ZFYVE28: variants seen among roughly 807,000 people sequenced by gnomAD.
ZFYVE28 encodes the protein lateral signaling target protein 2 homolog.
In ZFYVE28, 40 loss-of-function variants were observed where a neutral mutation model predicts 82.1. The observed-to-expected ratio is 0.49, with a 90% CI of 0.38 to 0.63. The LOEUF is 0.63. ZFYVE28 is among the 30% of genes least tolerant of loss of function. The probability of loss-of-function intolerance (pLI) is 0.00; values close to 1 mark genes in which losing one functional copy is unlikely to be tolerated. For missense variants in ZFYVE28, 1,321 were observed against 1,242.1 expected (o/e 1.06, Z -0.96); for synonymous variants, 612 against 546.1 (o/e 1.12, Z -1.68).
At chr4:2,290,404 C>T (rs1375725653) in intron 8 of ZFYVE28, among the ~76,000 whole-genome samples, 1 of 152,202 alleles carries the variant, frequency 6.6e-6, no homozygotes, top group Non-Finnish European at 1.5e-5. Context: ...GTTGCAGGCC[C>T]CAAGGGCCAC....
At chr4:2,288,416 G>A (rs1020549709) in intron 8 of ZFYVE28, among the ~76,000 whole-genome samples, 1 of 152,240 alleles carries the variant, frequency 6.6e-6, no homozygotes, top group African/African-American at 2.4e-5. Flanking sequence ...GGGGAGCATC[G>A]GGCCCTGGGC....
intron 1 of ZFYVE28, among the ~76,000 whole-genome samples, chr4:2,386,885 C>T (rs1032683119): frequency 6.6e-6 from 1 of 152,272 alleles, no homozygotes; most frequent in African/African-American, 2.4e-5. Flanking sequence ...GCCAGCCAAG[C>T]TCGCTGCCCT....
At chr4:2,367,396 A>G (rs999551978) in intron 1 of ZFYVE28, among the ~76,000 whole-genome samples, 2 of 152,242 alleles carry the variant, frequency 1.3e-5, no homozygotes, top group African/African-American at 4.8e-5. Context: ...GCTGAGCCTC[A>G]GGCTCTGCCT....
At chr4:2,378,017 C>G (rs1163463610) in intron 1 of ZFYVE28, among the ~76,000 whole-genome samples, 1 of 152,202 alleles carries the variant, frequency 6.6e-6, no homozygotes, top group Admixed American at 6.5e-5. Flanking sequence ...TATTCGTGTA[C>G]CTAAACAGAA....
chr4:2,364,835 C>A (rs1578263216), intron 1 of ZFYVE28: 16 of 985,506 alleles, frequency 1.6e-5, no homozygotes, highest in Middle Eastern at 5.2e-4. Context: ...TTCCGCGATA[C>A]CGCGATAAAA....
At chr4:2,366,845 C>T (rs906603775) in intron 1 of ZFYVE28, among the ~76,000 whole-genome samples, 28 of 152,264 alleles carry the variant, frequency 1.8e-4, no homozygotes, top group African/African-American at 6.8e-4. Context: ...ATCCTCCTTA[C>T]AGGAGAAACA....
At chr4:2,294,031 T>A (rs1250315284) in intron 8 of ZFYVE28, among the ~76,000 whole-genome samples, 3 of 151,334 alleles carry the variant, frequency 2.0e-5, no homozygotes, top group Non-Finnish European at 2.9e-5. Flanking sequence ...CTTTCCAAAT[T>A]ACTACATAGA....
chr4:2,303,108 G>A (rs774432375), intron 8 of ZFYVE28, among the ~76,000 whole-genome samples: 1 of 152,202 alleles, frequency 6.6e-6, no homozygotes, highest in Non-Finnish European at 1.5e-5. Flanking sequence ...GGGACACCGG[G>A]AACCAGGCCC....
intron 1 of ZFYVE28, among the ~76,000 whole-genome samples, chr4:2,414,171 T>C (rs1310877341): frequency 6.6e-6 from 1 of 152,226 alleles, no homozygotes; most frequent in Admixed American, 6.5e-5. Context: ...CATGACCAAG[T>C]GGGCTGGAAC....
chr4:2,404,278 C>T (rs546092865), intron 1 of ZFYVE28, among the ~76,000 whole-genome samples: 103 of 69,670 alleles, frequency 1.5e-3, no homozygotes, highest in South Asian at 9.9e-3. Flanking sequence ...GCCAAGATCG[C>T]GCCACTGCAG....
chr4:2,345,837 CATTAG>C (rs1723457039), intron 2 of ZFYVE28, among the ~76,000 whole-genome samples: 1 of 151,758 alleles, frequency 6.6e-6, no homozygotes, highest in African/African-American at 2.4e-5. Flanking sequence ...ACAAAAATGG[CATTAG>C]ATTTTTCATC....
Position 2,304,756 on chromosome 4 carries a change from G to A in ZFYVE28, c.1584C>T (p.Asp528=), listed in dbSNP as rs372232663. 2 of 1,612,598 alleles carry A rather than the reference G, an allele frequency of 1.2e-6. No individual in the cohort carries two copies. The highest frequency in any genetic ancestry group is 1.7e-6 in the Non-Finnish European group (2 of 1,179,964). The change falls in exon 8 of 13, where the codon GAC becomes GAT. Residue 528 remains aspartate, a synonymous_variant. Coordinates refer to ENST00000290974, the MANE Select transcript of ZFYVE28 (RefSeq NM_020972.3). ...IFNPKSPTSL[D]SAVATQEAAS... The stretch of plus-strand genomic sequence containing the variant: ...CGGCCTCCTGGGTGGCGACCGCAGA[G>A]TCCAGGGAAGTGGGCGATTTGGGGT...
chr4:2,360,660 T>A (rs1000602879), intron 1 of ZFYVE28, among the ~76,000 whole-genome samples: 1 of 152,148 alleles, frequency 6.6e-6, no homozygotes, highest in Admixed American at 6.5e-5. Context: ...AGGAAATGAA[T>A]GAACACAGCT....
chr4:2,381,232 T>C (rs924947810), intron 1 of ZFYVE28, among the ~76,000 whole-genome samples: 3 of 152,216 alleles, frequency 2.0e-5, no homozygotes, highest in Non-Finnish European at 4.4e-5. Flanking sequence ...ATTTTGCCCC[T>C]GCCCTAGAGA....
rs1194631547 is a variant in ZFYVE28 at position 2,332,391 on chromosome 4, G to C, written c.701+3314C>G. Among the ~76,000 whole-genome samples the C allele has an allele frequency of 6.6e-6, 1 of 152,104 alleles. No individual in the cohort carries two copies. Among genetic ancestry groups the C allele is most frequent in the Non-Finnish European group, 1.5e-5 (1 of 67,978 alleles). ...GAGCATACACCACCTGCACCAACGT[G>C]CCCCTGCCTGCCACCTGCACAGCTC... On this transcript the variant is annotated intron_variant, in intron 6 of 12. Coordinates refer to ENST00000290974, the MANE Select transcript of ZFYVE28 (RefSeq NM_020972.3). The surrounding 1 kb of genome is among the most constrained non-coding windows in gnomAD (Gnocchi z 4.7).
intron 8 of ZFYVE28, among the ~76,000 whole-genome samples, chr4:2,292,434 G>T (rs1282496373): frequency 6.6e-6 from 1 of 152,188 alleles, no homozygotes; most frequent in Non-Finnish European, 1.5e-5. Context: ...GGGTCTACAA[G>T]CAGGTCCCCT....
chr4:2,360,783 C>T (rs116290533), intron 1 of ZFYVE28, among the ~76,000 whole-genome samples: 36 of 152,322 alleles, frequency 2.4e-4, no homozygotes, highest in African/African-American at 8.4e-4. Flanking sequence ...TCAACCTACT[C>T]ATCACTTAGT....
At chr4:2,353,434 C>T (rs760600555) in intron 2 of ZFYVE28, among the ~76,000 whole-genome samples, 4 of 152,242 alleles carry the variant, frequency 2.6e-5, no homozygotes, top group Non-Finnish European at 4.4e-5. Flanking sequence ...AACTTTGCAG[C>T]ATGCCGTTTG....
intron 1 of ZFYVE28, among the ~76,000 whole-genome samples, chr4:2,364,315 C>T (rs977016102): frequency 6.6e-6 from 1 of 152,230 alleles, no homozygotes; most frequent in Non-Finnish European, 1.5e-5. Flanking sequence ...CAGCCAGCCC[C>T]ACACAGTCCT....
Sources: allele counts gnomAD v4.1 joint callset (sites outside exome capture counted in the v4.1 genomes callset), GRCh38; gene constraint gnomAD v4.1.1; non-coding constraint Gnocchi (gnomAD v3.1); transcripts MANE v1.5; gene names NCBI Gene and HGNC (gene_info 2026-07-23, HGNC 2026-07-21).